Variants in RARB observed in about 807,000 individuals in gnomAD.
RARB encodes retinoic acid receptor beta.
In RARB, 17 loss-of-function variants were observed where a neutral mutation model predicts 51.9. The ratio of observed to expected loss-of-function variants is 0.33; its 90% CI spans 0.22 to 0.49. The LOEUF is 0.49. Ranked by LOEUF, RARB falls within the 20% of genes least tolerant of loss-of-function variation. The pLI is 0.99. For missense variants in RARB, 369 were observed against 550.8 expected (o/e 0.67, Z 3.30); for synonymous variants, 215 against 195.4 (o/e 1.10, Z -0.84).
chr3:25,065,700 A>G (rs191738019), intron 3 of RARB, among the ~76,000 whole-genome samples: 1 of 152,214 alleles, frequency 6.6e-6, no homozygotes, highest in Non-Finnish European at 1.5e-5. Flanking sequence ...GACACTTCGT[A>G]CCATATCTGA....
chr3:25,016,279 C>T (rs1023674031), intron 2 of RARB, among the ~76,000 whole-genome samples: 2 of 152,166 alleles, frequency 1.3e-5, no homozygotes, highest in African/African-American at 4.8e-5. Flanking sequence ...AGGAAAGCTA[C>T]TGGGTGATTA....
intron 5 of RARB, among the ~76,000 whole-genome samples, chr3:25,403,310 C>A (rs572593287): frequency 5.3e-5 from 8 of 152,210 alleles, no homozygotes; most frequent in South Asian, 4.1e-4. Context: ...GGGATGGATA[C>A]CCCATTCTCC....
At chr3:25,333,809 A>G (rs1704976986) in intron 5 of RARB, among the ~76,000 whole-genome samples, 1 of 152,228 alleles carries the variant, frequency 6.6e-6, no homozygotes, top group Non-Finnish European at 1.5e-5. Flanking sequence ...AGAATCTACA[A>G]AGAACTTAAA....
rs1413825514 is a variant in RARB at position 25,146,499 on chromosome 3, G to GTTTTTTTTTTTTTTTTTTTTT, written c.-280+14294_-280+14295insTTTTTTTTTTTTTTTTTTTTT. ...CAGGCTATAATTTGCTAAGTTTTTTGTTTGTTTGTTTGTTTTTTTTTTTTT... is the reference window on the plus strand; with the variant it reads ...CAGGCTATAATTTGCTAAGTTTTTTGTTTTTTTTTTTTTTTTTTTTTTTTGTTTGTTTGTTTTTTTTTTTTT... On this transcript the variant is annotated intron_variant, in intron 4 of 11. Transcript: ENST00000383772. Among the ~76,000 whole-genome samples the GTTTTTTTTTTTTTTTTTTTTT allele has an allele frequency of 3.8e-5, 4 of 104,384 alleles. 1 individual carries two copies. The highest frequency in any genetic ancestry group is 4.0e-5 in the Non-Finnish European group (2 of 50,220). 68.5% of individuals were successfully genotyped at this position (104,384 alleles called of 152,430 possible). A position where few individuals can be genotyped will look rare whatever the true frequency, so the allele number is the denominator to read the frequency against.
chr3:25,111,583 G>GT (rs370598264), intron 3 of RARB, among the ~76,000 whole-genome samples: 74,954 of 120,642 alleles, frequency 0.62, 24,438 homozygotes, highest in East Asian at 0.83. Context: ...TCTAACAGTG[G>GT]TTTTTTTTTT....
At chr3:25,043,581 T>C (rs1698154629) in intron 2 of RARB, among the ~76,000 whole-genome samples, 1 of 152,262 alleles carries the variant, frequency 6.6e-6, no homozygotes, top group South Asian at 2.1e-4. Flanking sequence ...TCTAGAAAGA[T>C]AGCTTATTCC....
At chr3:25,056,285 T>C (rs1183860966) in intron 2 of RARB, among the ~76,000 whole-genome samples, 1 of 152,086 alleles carries the variant, frequency 6.6e-6, no homozygotes, top group African/African-American at 2.4e-5. Context: ...AATGGCTGGG[T>C]GTAGCACATC....
intron 3 of RARB, among the ~76,000 whole-genome samples, chr3:25,539,768 A>G (rs1396359610): frequency 1.3e-4 from 20 of 151,948 alleles, no homozygotes; most frequent in African/African-American, 4.8e-4. Context: ...TTATAGTGCA[A>G]TCTAAGACTG....
chr3:25,173,374 TAGTG>T (rs1340004313), intron 4 of RARB, among the ~76,000 whole-genome samples: 3 of 152,184 alleles, frequency 2.0e-5, no homozygotes, highest in African/African-American at 7.2e-5. Flanking sequence ...TGGCACATAA[TAGTG>T]AGATTTGATT....
chr3:25,511,942 A>C (rs1043369963), intron 3 of RARB, among the ~76,000 whole-genome samples: 3 of 152,228 alleles, frequency 2.0e-5, no homozygotes, highest in African/African-American at 7.2e-5. Context: ...GGGATGCAGT[A>C]TGCTGCTTAA....
intron 5 of RARB, among the ~76,000 whole-genome samples, chr3:25,240,409 T>A (rs1702402857): frequency 6.6e-6 from 1 of 152,186 alleles, no homozygotes; most frequent in Non-Finnish European, 1.5e-5. Context: ...TTGTTCTAGT[T>A]CTTTTAGAAA....
intron 3 of RARB, among the ~76,000 whole-genome samples, chr3:25,531,184 A>G (rs1169159825): frequency 1.3e-5 from 2 of 152,140 alleles, no homozygotes; most frequent in East Asian, 1.9e-4. Context: ...CTCAATCCCA[A>G]TAAGCACCAG....
At chr3:25,369,260 T>G (rs548192905) in intron 5 of RARB, among the ~76,000 whole-genome samples, 1 of 152,196 alleles carries the variant, frequency 6.6e-6, no homozygotes, top group East Asian at 1.9e-4. Context: ...CTGTAAGGCA[T>G]TGGGCACACA....
At chr3:24,933,302 C>A (rs935084241) in intron 2 of RARB, among the ~76,000 whole-genome samples, 1 of 151,740 alleles carries the variant, frequency 6.6e-6, no homozygotes, top group African/African-American at 2.4e-5. Context: ...TACAGATCTT[C>A]ATGAAAATAC....
At chr3:25,051,441 G>C (rs1342641531) in intron 2 of RARB, among the ~76,000 whole-genome samples, 2 of 152,040 alleles carry the variant, frequency 1.3e-5, no homozygotes, top group African/African-American at 2.4e-5. Context: ...AACCAAAGTA[G>C]AATCCAGCCT....
chr3:25,166,257 G>A (rs1359003202), intron 4 of RARB, among the ~76,000 whole-genome samples: 1 of 152,106 alleles, frequency 6.6e-6, no homozygotes, highest in Non-Finnish European at 1.5e-5. Flanking sequence ...ATATACGAGA[G>A]GTTGCAAAAC....
At chr3:25,574,303 C>G (rs1575532334) in intron 4 of RARB, among the ~76,000 whole-genome samples, 2 of 152,208 alleles carry the variant, frequency 1.3e-5, no homozygotes, top group Non-Finnish European at 2.9e-5. Flanking sequence ...GCTCCTTCAT[C>G]TGTATAATGG....
intron 3 of RARB, among the ~76,000 whole-genome samples, chr3:25,077,773 T>A (rs1698900132): frequency 6.6e-6 from 1 of 152,148 alleles, no homozygotes; most frequent in Non-Finnish European, 1.5e-5. Context: ...CTAACCTTTT[T>A]ACGGAGTGGT....
chr3:25,241,324 T>A (rs1483615205), intron 5 of RARB, among the ~76,000 whole-genome samples: 3 of 152,178 alleles, frequency 2.0e-5, no homozygotes, highest in African/African-American at 4.8e-5. Context: ...TGTCTTTTTT[T>A]AAATTATACT....
Sources: allele counts gnomAD v4.1 joint callset (sites outside exome capture counted in the v4.1 genomes callset), GRCh38; gene constraint gnomAD v4.1.1; transcripts MANE v1.5; gene names NCBI Gene and HGNC (gene_info 2026-07-23, HGNC 2026-07-21).